Variants in NUBPL observed in about 807,000 individuals in gnomAD.
The protein encoded by NUBPL is iron-sulfur cluster transfer protein NUBPL.
Under a neutral mutation model 45.7 loss-of-function variants are expected in NUBPL, and 31 were observed. The observed-to-expected ratio is 0.68, with a 90% CI of 0.51 to 0.92. The LOEUF is 0.92. Ranked by LOEUF, NUBPL falls within the 40% of genes least tolerant of loss-of-function variation. The pLI, the probability that NUBPL is intolerant of heterozygous loss-of-function variation, is 0.00. For missense variants in NUBPL, 401 were observed against 398.7 expected, an observed-to-expected ratio of 1.01 and a Z score of -0.05; for synonymous variants, 144 against 140.9, an observed-to-expected ratio of 1.02 and a Z score of -0.15.
chr14:31,659,283 C>T (rs1473746852), intron 4 of NUBPL, among the ~76,000 whole-genome samples: 1 of 152,126 alleles, frequency 6.6e-6, no homozygotes, highest in Non-Finnish European at 1.5e-5. Context: ...TAAAATTTTT[C>T]TCTCCCAGAT....
intron 4 of NUBPL, among the ~76,000 whole-genome samples, chr14:31,605,445 A>T (rs979115945): frequency 1.3e-5 from 2 of 152,224 alleles, no homozygotes; most frequent in Admixed American, 1.3e-4. Flanking sequence ...GGATATGTCA[A>T]GTATTTTATT....
intron 6 of NUBPL, among the ~76,000 whole-genome samples, chr14:31,753,415 A>G (rs1284270603): frequency 6.6e-6 from 1 of 152,130 alleles, no homozygotes; most frequent in Non-Finnish European, 1.5e-5. Context: ...TGGCTCCCCT[A>G]GCCTGCTTTC....
At chr14:31,601,693 C>T (rs2034438265) in intron 4 of NUBPL, among the ~76,000 whole-genome samples, 2 of 152,118 alleles carry the variant, frequency 1.3e-5, no homozygotes, top group Non-Finnish European at 1.5e-5. Flanking sequence ...AATGAGATAC[C>T]ATCTCACACC....
intron 2 of NUBPL, among the ~76,000 whole-genome samples, chr14:31,564,419 G>A (rs1223796047): frequency 1.3e-5 from 2 of 151,780 alleles, no homozygotes; most frequent in Non-Finnish European, 2.9e-5. Context: ...GCAGGATGCG[G>A]TGGCTCATGC....
At chr14:31,564,620 G>C (rs2033387718) in intron 2 of NUBPL, among the ~76,000 whole-genome samples, 1 of 151,542 alleles carries the variant, frequency 6.6e-6, no homozygotes, top group African/African-American at 2.4e-5. Context: ...ATGAGATTGT[G>C]TACATTTTTT....
At chr14:31,566,097 G>C (rs1472660398) in intron 3 of NUBPL, among the ~76,000 whole-genome samples, 1 of 152,040 alleles carries the variant, frequency 6.6e-6, no homozygotes, top group Non-Finnish European at 1.5e-5. Context: ...ATGTTTAACT[G>C]TGGCTATACT....
At chr14:31,614,079 G>A (rs1481507145) in intron 4 of NUBPL, among the ~76,000 whole-genome samples, 1 of 152,040 alleles carries the variant, frequency 6.6e-6, no homozygotes, top group Non-Finnish European at 1.5e-5. Context: ...CTTTATGGAT[G>A]GGGCTTATGG....
intron 4 of NUBPL, among the ~76,000 whole-genome samples, chr14:31,659,374 C>G (rs2036215885): frequency 6.6e-6 from 1 of 152,156 alleles, no homozygotes; most frequent in African/African-American, 2.4e-5. Flanking sequence ...AAAAGATTCT[C>G]AGACTCTACC....
chr14:31,849,000 A>G (rs938336078), intron 9 of NUBPL, among the ~76,000 whole-genome samples: 3 of 152,194 alleles, frequency 2.0e-5, no homozygotes, highest in Non-Finnish European at 4.4e-5. Context: ...AAGTTGATCT[A>G]GAGAATAGGA....
intron 3 of NUBPL, among the ~76,000 whole-genome samples, chr14:31,567,359 T>G (rs2033463355): frequency 6.6e-6 from 1 of 152,200 alleles, no homozygotes; most frequent in African/African-American, 2.4e-5. Flanking sequence ...TTGAGTATTT[T>G]TCAGCATAGG....
intron 3 of NUBPL, among the ~76,000 whole-genome samples, chr14:31,596,377 C>A (rs970087428): frequency 6.6e-6 from 1 of 152,152 alleles, no homozygotes; most frequent in African/African-American, 2.4e-5. Context: ...GGCCTGCGTG[C>A]TCTTGGTGCT....
chr14:31,832,701 A>G (rs1468061679), intron 8 of NUBPL, among the ~76,000 whole-genome samples: 1 of 152,214 alleles, frequency 6.6e-6, no homozygotes, highest in African/African-American at 2.4e-5. Flanking sequence ...ATAATTTTTT[A>G]GATGATAGGA....
At chr14:31,816,766 T>G (rs1180211962) in intron 7 of NUBPL, among the ~76,000 whole-genome samples, 1 of 152,172 alleles carries the variant, frequency 6.6e-6, no homozygotes, top group African/African-American at 2.4e-5. Flanking sequence ...CTTCTTTATT[T>G]CTGCCTTAAT....
chr14:31,841,925 T>TTG lies in NUBPL; in HGVS notation c.694-4545_694-4544insGT, dbSNP rs1471217796. 4.7e-4 allele frequency among the ~76,000 whole-genome samples: 54 copies of TTG among 113,924 alleles called. 1 individual carries two copies. Among genetic ancestry groups the TTG allele is most frequent in the South Asian group, 1.3e-3 (4 of 3,154 alleles). 74.7% of individuals were successfully genotyped at this position (113,924 alleles called of 152,430 possible). A position where few individuals can be genotyped will look rare whatever the true frequency, so the allele number is the denominator to read the frequency against. ...TATGGGTCGATTCTGGGCTTTTTTT[T>TTG]TTTTTTTTTTTTTTTTTTTTTTTGA... On this transcript the variant is annotated intron_variant, in intron 8 of 10. Transcript: ENST00000281081.
chr14:31,815,692 T>A (rs960763984), intron 7 of NUBPL, among the ~76,000 whole-genome samples: 1 of 151,900 alleles, frequency 6.6e-6, no homozygotes. Flanking sequence ...TAGCTCTTAT[T>A]ATTTTGAGAT....
intron 6 of NUBPL, among the ~76,000 whole-genome samples, chr14:31,734,886 CT>C (rs1391067855): frequency 6.6e-6 from 1 of 152,118 alleles, no homozygotes; most frequent in Non-Finnish European, 1.5e-5. Context: ...GGCGTTTAAC[CT>C]CCAGGTTATA....
intron 7 of NUBPL, among the ~76,000 whole-genome samples, chr14:31,824,960 T>G (rs774011496): frequency 6.6e-6 from 1 of 152,170 alleles, no homozygotes; most frequent in Non-Finnish European, 1.5e-5. Flanking sequence ...AATTCACGGA[T>G]TCAGCCAATC....
At chr14:31,691,545 TGA>T (rs2037094345) in intron 6 of NUBPL, among the ~76,000 whole-genome samples, 1 of 152,128 alleles carries the variant, frequency 6.6e-6, no homozygotes, top group Non-Finnish European at 1.5e-5. Flanking sequence ...TAGATGGAAG[TGA>T]TGTTTCTTAA....
chr14:31,830,470 AT>A (rs2040171516), intron 8 of NUBPL, among the ~76,000 whole-genome samples: 1 of 152,150 alleles, frequency 6.6e-6, no homozygotes, highest in African/African-American at 2.4e-5. Flanking sequence ...TGCCACTGTA[AT>A]TTTACACATC....
Sources: allele counts gnomAD v4.1 joint callset (sites outside exome capture counted in the v4.1 genomes callset), GRCh38; gene constraint gnomAD v4.1.1; transcripts MANE v1.5; gene names NCBI Gene and HGNC (gene_info 2026-07-23, HGNC 2026-07-21).